RGS6: variants seen among roughly 807,000 people sequenced by gnomAD.
RGS6 encodes regulator of G protein signaling 6.
A neutral mutation model predicts 78.5 loss-of-function variants in RGS6; 30 were observed. The observed-to-expected ratio is 0.38, with a 90% CI of 0.29 to 0.52. The LOEUF (loss-of-function observed/expected upper bound fraction) is 0.52, where lower values mean the gene tolerates loss of function less well. Among genes scored for constraint, RGS6 ranks in the 20% least tolerant of loss-of-function variants. The probability of loss-of-function intolerance (pLI) is 0.85; values close to 1 mark genes in which losing one functional copy is unlikely to be tolerated. For synonymous variants in RGS6, 206 were observed against 206.0 expected, an observed-to-expected ratio of 1.00 and a Z score of 0.00; for missense variants, 495 against 609.7, an observed-to-expected ratio of 0.81 and a Z score of 1.98.
intron 13 of RGS6, among the ~76,000 whole-genome samples, chr14:72,509,904 C>T (rs1598489464): frequency 6.6e-6 from 1 of 152,268 alleles, no homozygotes; most frequent in South Asian, 2.1e-4. Flanking sequence ...TAGACAGCAG[C>T]CATTTGAAGG....
chr14:72,104,810 G>T (rs532949361), intron 2 of RGS6, among the ~76,000 whole-genome samples: 1 of 152,252 alleles, frequency 6.6e-6, no homozygotes. Flanking sequence ...TTGTTAAATT[G>T]CTCACTTTGG....
intron 12 of RGS6, among the ~76,000 whole-genome samples, chr14:72,483,073 A>T (rs74345959): frequency 0.011 from 1,619 of 151,942 alleles, 26 homozygotes; most frequent in African/African-American, 0.037. Context: ...ACAAGGTCCT[A>T]CTCTTCTCTG....
intron 2 of RGS6, among the ~76,000 whole-genome samples, chr14:72,197,236 T>C (rs1429585947): frequency 6.6e-6 from 1 of 152,170 alleles, no homozygotes; most frequent in African/African-American, 2.4e-5. Context: ...TGGCTGATTT[T>C]TGTATTTTTA....
Position 71,993,146 on chromosome 14 carries a change from C to G in RGS6, c.84+28271C>G, listed in dbSNP as rs546911193. Among the ~76,000 whole-genome samples the G allele has an allele frequency of 4.6e-5, 7 of 152,204 alleles. No individual in the cohort carries two copies. The East Asian group carries it at 1.3e-3, about 29-fold the overall frequency. On this transcript the variant is annotated intron_variant, in intron 2 of 17. Coordinates refer to ENST00000553525, the MANE Select transcript of RGS6 (RefSeq NM_001204424.2). ...TAGACTCCTGGAATTGAAAAAATTC[C>G]CAGAAACTGTAAGGTAAGGGAGGAC...
At chr14:71,869,854 T>G in the RGS6 span, among the ~76,000 whole-genome samples, 6 of 152,262 alleles carry the variant, frequency 3.9e-5, 1 homozygote, top group East Asian at 9.7e-4. Flanking sequence ...GGGATTGGTG[T>G]TGTTATAAAA....
chr14:71,925,271 C>T, the RGS6 span, among the ~76,000 whole-genome samples: 5 of 152,090 alleles, frequency 3.3e-5, no homozygotes, highest in East Asian at 1.9e-4. Context: ...TGTTTTCTTG[C>T]GATTGAATTG....
the RGS6 span, among the ~76,000 whole-genome samples, chr14:72,621,828 G>A: frequency 6.6e-6 from 1 of 152,212 alleles, no homozygotes; most frequent in African/African-American, 2.4e-5. Flanking sequence ...CAAGGATGCC[G>A]TCTGGGTTGT....
At position 72,534,170 on chromosome 14, in the gene RGS6, G is replaced by A. The variant is rs187396025; in HGVS notation, c.1279-2016G>A. 5.5e-3 allele frequency among the ~76,000 whole-genome samples: 837 copies of A among 152,332 alleles called. 1 individual carries two copies. The highest frequency in any genetic ancestry group is 9.2e-3 in the Non-Finnish European group (625 of 68,028). On this transcript the variant is annotated intron_variant, in intron 15 of 17. Coordinates refer to ENST00000553525, the MANE Select transcript of RGS6 (RefSeq NM_001204424.2). The stretch of plus-strand genomic sequence containing the variant: ...CCCTAATCAGTCAGTATCCAACAAT[G>A]TCAAGACAAGACCCTCCCCCAGCAA...
intron 2 of RGS6, among the ~76,000 whole-genome samples, chr14:72,206,921 T>A (rs998420282): frequency 1.3e-5 from 2 of 152,236 alleles, no homozygotes; most frequent in Admixed American, 1.3e-4. Context: ...AAACTGTTAA[T>A]AGTGGTTATT....
intron 2 of RGS6, among the ~76,000 whole-genome samples, chr14:72,049,477 T>TC (rs1416536258): frequency 7.2e-5 from 11 of 152,338 alleles, no homozygotes; most frequent in African/African-American, 2.6e-4. Context: ...ACCTTTATGC[T>TC]TACTGCTTTC....
chr14:71,948,684 A>G (rs2091892708), intron 1 of RGS6, among the ~76,000 whole-genome samples: 1 of 148,156 alleles, frequency 6.7e-6, no homozygotes, highest in Non-Finnish European at 1.5e-5. Context: ...CAGTAAGTAC[A>G]TATTTCTTTT....
chr14:72,060,633 C>T (rs1419827226), intron 2 of RGS6, among the ~76,000 whole-genome samples: 1 of 152,170 alleles, frequency 6.6e-6, no homozygotes, highest in Non-Finnish European at 1.5e-5. Flanking sequence ...AGACTGAATG[C>T]AGCTAAACCT....
At chr14:72,172,134 A>C (rs2097029845) in intron 2 of RGS6, among the ~76,000 whole-genome samples, 1 of 152,118 alleles carries the variant, frequency 6.6e-6, no homozygotes, top group Admixed American at 6.6e-5. Flanking sequence ...TGGGGCTTCC[A>C]AGGAAATCGA....
chr14:72,577,323 T>A, the RGS6 span, among the ~76,000 whole-genome samples: 13 of 152,342 alleles, frequency 8.5e-5, no homozygotes, highest in East Asian at 2.1e-3. Context: ...TGGCCCACTA[T>A]GGCTGAATTC....
intron 14 of RGS6, among the ~76,000 whole-genome samples, chr14:72,515,377 A>G (rs556105353): frequency 1.5e-4 from 23 of 152,200 alleles, no homozygotes; most frequent in Non-Finnish European, 2.8e-4. Flanking sequence ...ATTAAATTTG[A>G]TTCCGCGGCC....
At chr14:71,871,396 A>G in the RGS6 span, among the ~76,000 whole-genome samples, 2 of 152,144 alleles carry the variant, frequency 1.3e-5, no homozygotes, top group Non-Finnish European at 2.9e-5. Context: ...CCTTATTGTT[A>G]TTCCCCAAAT....
intron 2 of RGS6, among the ~76,000 whole-genome samples, chr14:72,085,810 C>T (rs931278603): frequency 1.4e-4 from 21 of 148,730 alleles, no homozygotes; most frequent in African/African-American, 5.3e-4. Flanking sequence ...GCCCAGATTG[C>T]CCCACTGTAC....
rs911032832 is a variant in RGS6, at chr14:72,119,746, A to C, written c.84+154871A>C. Among the ~76,000 whole-genome samples the C allele has an allele frequency of 2.0e-5, 3 of 152,242 alleles. No individual in the cohort carries two copies. In the South Asian group the frequency reaches 6.2e-4, roughly 32 times the overall value. ...AATTTAGAAGTGAGACTATAGGTATATGCACAAGGAGCTCTGATGTGAAAC... is the reference window on the plus strand; with the variant it reads ...AATTTAGAAGTGAGACTATAGGTATCTGCACAAGGAGCTCTGATGTGAAAC... On this transcript the variant is annotated intron_variant, in intron 2 of 17. Transcript: ENST00000553525.
At chr14:72,591,397 A>C in the RGS6 span, among the ~76,000 whole-genome samples, 1 of 152,200 alleles carries the variant, frequency 6.6e-6, no homozygotes, top group African/African-American at 2.4e-5. Context: ...TTTTCATCTT[A>C]TCTTTCCTTT....
Sources: allele counts gnomAD v4.1 joint callset (sites outside exome capture counted in the v4.1 genomes callset), GRCh38; gene constraint gnomAD v4.1.1; transcripts MANE v1.5; gene names NCBI Gene and HGNC (gene_info 2026-07-23, HGNC 2026-07-21).